SLC2A13: variants seen among roughly 807,000 people sequenced by gnomAD.
SLC2A13 encodes the protein proton myo-inositol cotransporter.
SLC2A13 carries 32 observed loss-of-function variants against 64.4 expected under a neutral mutation model. The observed-to-expected ratio is 0.50, with a 90% CI of 0.37 to 0.67. The LOEUF (loss-of-function observed/expected upper bound fraction) is 0.67. Among genes scored for constraint, SLC2A13 ranks in the 30% least tolerant of loss-of-function variants. The pLI is 0.00. For synonymous variants in SLC2A13, 338 were observed against 327.1 expected, an observed-to-expected ratio of 1.03 and a Z score of -0.36; for missense variants, 743 against 829.2, an observed-to-expected ratio of 0.90 and a Z score of 1.28.
Position 39,764,489 on chromosome 12 carries a change from A to C in SLC2A13, c.1691T>G (p.Leu564Ter), listed in dbSNP as rs1940278696. The change falls in exon 9 of 10, where the codon TTA (leucine) becomes TGA (stop). Residue 564 changes from leucine to a stop codon, truncating the protein, a stop_gained. Coordinates refer to ENST00000280871, the MANE Select transcript of SLC2A13 (RefSeq NM_052885.4). LOFTEE classifies it high-confidence loss of function. Reference protein sequence around the residue: ...IFNVLVSLTFLHTAEYLTYYG... With the variant: ...IFNVLVSLTF The stretch of plus-strand genomic sequence containing the variant: ...GTATGTAAGATACTCTGCTGTGTGT[A>C]AAAATGTTAGTGAAACCAGGACATT... 1 of 1,605,474 alleles carries C rather than the reference A, an allele frequency of 6.2e-7. No homozygotes were observed. The highest frequency in any genetic ancestry group is 8.5e-7 in the Non-Finnish European group (1 of 1,177,534).
chr12:39,819,686 A>G (rs1942437852), intron 7 of SLC2A13: 1 of 152,256 alleles, frequency 6.6e-6, no homozygotes, highest in Non-Finnish European at 1.5e-5. Context: ...AAATGTTACA[A>G]TCTACCTCTT....
intron 3 of SLC2A13, among the ~76,000 whole-genome samples, chr12:40,005,112 C>A (rs1947393817): frequency 6.6e-6 from 1 of 152,096 alleles, no homozygotes; most frequent in Admixed American, 6.5e-5. Context: ...GACAAAGACA[C>A]ATTTTTGCTA....
chr12:39,873,232 C>G (rs1944101938), intron 4 of SLC2A13, among the ~76,000 whole-genome samples: 2 of 152,132 alleles, frequency 1.3e-5, no homozygotes. Flanking sequence ...AAGCTGCCAA[C>G]CATTTTAAGA....
At chr12:39,879,820 G>A (rs768216218) in intron 4 of SLC2A13, among the ~76,000 whole-genome samples, 9 of 152,156 alleles carry the variant, frequency 5.9e-5, no homozygotes, top group Non-Finnish European at 1.2e-4. Context: ...ATTTTGCAAC[G>A]TGAGAAGGAC....
intron 4 of SLC2A13, among the ~76,000 whole-genome samples, chr12:39,895,663 T>C (rs1483549871): frequency 6.7e-6 from 1 of 149,102 alleles, no homozygotes; most frequent in Non-Finnish European, 1.5e-5. Context: ...CACACATATG[T>C]ATATGCGTGT....
intron 3 of SLC2A13, among the ~76,000 whole-genome samples, chr12:39,966,724 T>C (rs1946523559): frequency 6.6e-6 from 1 of 152,150 alleles, no homozygotes. Flanking sequence ...ATGCTACTTT[T>C]ATGTGCTTTC....
chr12:39,843,227 G>T (rs748939218), intron 6 of SLC2A13, among the ~76,000 whole-genome samples: 9 of 151,868 alleles, frequency 5.9e-5, no homozygotes, highest in African/African-American at 1.7e-4. Context: ...ACACTTTTTC[G>T]TACTTGATCT....
At position 39,816,493 on chromosome 12, in the gene SLC2A13, T is replaced by C. The variant is rs867430171; in HGVS notation, c.1445+13610A>G. On this transcript the variant is annotated intron_variant, in intron 7 of 9. Coordinates refer to ENST00000280871, the MANE Select transcript of SLC2A13 (RefSeq NM_052885.4). ...ATACCTAATGTAAATGACGAGTTAATGGGTGCAGCACACCAACATGGCACA... is the reference window on the plus strand; with the variant it reads ...ATACCTAATGTAAATGACGAGTTAACGGGTGCAGCACACCAACATGGCACA... Among the ~76,000 whole-genome samples the C allele has an allele frequency of 7.8e-4, 118 of 150,464 alleles. 2 individuals carry two copies. The highest frequency in any genetic ancestry group is 7.4e-3 in the South Asian group (35 of 4,698).
At chr12:40,046,432 A>C (rs1592036312) in intron 2 of SLC2A13, among the ~76,000 whole-genome samples, 1 of 152,222 alleles carries the variant, frequency 6.6e-6, no homozygotes, top group East Asian at 1.9e-4. Context: ...GATTTATGCA[A>C]CTATACATGC....
At chr12:39,852,927 G>A (rs1045861149) in intron 6 of SLC2A13, among the ~76,000 whole-genome samples, 1 of 152,168 alleles carries the variant, frequency 6.6e-6, no homozygotes, top group Non-Finnish European at 1.5e-5. Flanking sequence ...AATAGCCAAT[G>A]GGAAACCTCT....
Position 40,020,645 on chromosome 12 carries a change from C to T in SLC2A13, c.925+7656G>A, listed in dbSNP as rs187950245. ...GTCTTGTTAAACTAAAATGTCCCAACACTAAAGAATGGCTCCTGTGCCTTC... is the reference window on the plus strand; with the variant it reads ...GTCTTGTTAAACTAAAATGTCCCAATACTAAAGAATGGCTCCTGTGCCTTC... On this transcript the variant is annotated intron_variant, in intron 3 of 9. Transcript: ENST00000280871. 7.1e-4 allele frequency among the ~76,000 whole-genome samples: 108 copies of T among 152,002 alleles called. 2 individuals carry two copies. Among genetic ancestry groups the T allele is most frequent in the African/African-American group, 2.5e-3 (105 of 41,462 alleles).
chr12:39,773,877 A>G (rs978560986), intron 7 of SLC2A13, among the ~76,000 whole-genome samples: 2 of 152,230 alleles, frequency 1.3e-5, no homozygotes, highest in African/African-American at 4.8e-5. Context: ...AGAGCTTACT[A>G]CAGTTCGTGT....
chr12:39,994,726 T>C (rs897562962), intron 3 of SLC2A13, among the ~76,000 whole-genome samples: 1 of 152,222 alleles, frequency 6.6e-6, no homozygotes, highest in Admixed American at 6.5e-5. Context: ...ATGAATTTAC[T>C]GTGTGACTCT....
chr12:40,007,301 C>T (rs981995148), intron 3 of SLC2A13, among the ~76,000 whole-genome samples: 2 of 152,108 alleles, frequency 1.3e-5, no homozygotes, highest in African/African-American at 4.8e-5. Context: ...ACTTGCATTA[C>T]TTTTAAAGAT....
chr12:39,979,337 A>C (rs1037387414), intron 3 of SLC2A13, among the ~76,000 whole-genome samples: 13 of 149,306 alleles, frequency 8.7e-5, no homozygotes, highest in Non-Finnish European at 1.3e-4. Flanking sequence ...GATTTTGATG[A>C]GCTGAGAGAA....
chr12:39,816,564 GAACT>G (rs1256178583), intron 7 of SLC2A13, among the ~76,000 whole-genome samples: 2 of 143,918 alleles, frequency 1.4e-5, no homozygotes, highest in African/African-American at 5.0e-5. Flanking sequence ...ATGTACCCTA[GAACT>G]TACTTAAAGT....
intron 3 of SLC2A13, among the ~76,000 whole-genome samples, chr12:39,987,941 A>G (rs1322772819): frequency 1.3e-5 from 2 of 152,168 alleles, no homozygotes; most frequent in Non-Finnish European, 2.9e-5. Flanking sequence ...CAAGAAAAAG[A>G]GTGAAATCCC....
intron 3 of SLC2A13, among the ~76,000 whole-genome samples, chr12:39,966,292 A>C (rs1946514631): frequency 6.6e-6 from 1 of 151,982 alleles, no homozygotes. Flanking sequence ...TTACTTCCTG[A>C]ATCCCCTTTT....
At chr12:39,957,031 C>G (rs1565561093) in intron 3 of SLC2A13, among the ~76,000 whole-genome samples, 1 of 152,136 alleles carries the variant, frequency 6.6e-6, no homozygotes, top group Non-Finnish European at 1.5e-5. Flanking sequence ...CGATCCTTTC[C>G]TGAATGCAAC....
Sources: gnomAD v4.1 joint callset for allele counts (sites outside exome capture counted in the v4.1 genomes callset) on GRCh38, gnomAD v4.1.1 for gene constraint, MANE v1.5 for transcripts, NCBI Gene and HGNC (gene_info 2026-07-23, HGNC 2026-07-21) for gene names.